ARHGAP44: variants seen among roughly 807,000 people sequenced by gnomAD.
The protein encoded by ARHGAP44 is rho GTPase-activating protein 44.
In ARHGAP44, 43 loss-of-function variants were observed where a neutral mutation model predicts 106.8. The ratio of observed to expected loss-of-function variants is 0.40; its 90% CI spans 0.32 to 0.52. The LOEUF (loss-of-function observed/expected upper bound fraction) is 0.52. ARHGAP44 is among the 20% of genes least tolerant of loss of function. ARHGAP44 has a pLI of 0.48. For synonymous variants in ARHGAP44, 439 were observed against 410.3 expected (o/e 1.07, Z -0.85); for missense variants, 866 against 1,050.5 (o/e 0.82, Z 2.43).
At chr17:12,983,992 G>C (rs1202225041) in intron 19 of ARHGAP44, among the ~76,000 whole-genome samples, 2 of 152,164 alleles carry the variant, frequency 1.3e-5, no homozygotes, top group Non-Finnish European at 2.9e-5. Flanking sequence ...TGTGGCCGGA[G>C]GATTTGCTCA....
chr17:12,896,115 AG>A (rs1229128881), intron 2 of ARHGAP44, among the ~76,000 whole-genome samples: 3 of 48,122 alleles, frequency 6.2e-5, no homozygotes, highest in Non-Finnish European at 1.2e-4. Context: ...GGATAGGGGG[AG>A]GGGGGAGGGG....
At chr17:12,914,462 A>G (rs2037841774) in intron 4 of ARHGAP44, among the ~76,000 whole-genome samples, 1 of 152,220 alleles carries the variant, frequency 6.6e-6, no homozygotes, top group Admixed American at 6.5e-5. Context: ...CTCCATTGCA[A>G]AATGATCTGA....
intron 6 of ARHGAP44, among the ~76,000 whole-genome samples, chr17:12,922,742 G>A (rs765375812): frequency 4.4e-5 from 5 of 114,028 alleles, no homozygotes; most frequent in Non-Finnish European, 1.1e-4. Flanking sequence ...GGGATTACAG[G>A]CACCTGCCAT....
intron 1 of ARHGAP44, among the ~76,000 whole-genome samples, chr17:12,816,340 A>G (rs2034596163): frequency 6.6e-6 from 1 of 152,104 alleles, no homozygotes; most frequent in South Asian, 2.1e-4. Flanking sequence ...CTAACCATAC[A>G]CACCCCTGCT....
intron 1 of ARHGAP44, among the ~76,000 whole-genome samples, chr17:12,791,817 T>C (rs936938860): frequency 1.3e-5 from 2 of 152,178 alleles, no homozygotes; most frequent in African/African-American, 4.8e-5. Context: ...TGTTGGCCTA[T>C]GGATGAATTC....
intron 1 of ARHGAP44, among the ~76,000 whole-genome samples, chr17:12,851,124 A>G (rs1447786304): frequency 6.6e-6 from 1 of 152,240 alleles, no homozygotes; most frequent in African/African-American, 2.4e-5. Flanking sequence ...CTTTGTCAGC[A>G]TCAGACGTAG....
chr17:12,889,512 C>T (rs969685158), intron 1 of ARHGAP44, among the ~76,000 whole-genome samples: 2 of 152,196 alleles, frequency 1.3e-5, no homozygotes, highest in African/African-American at 4.8e-5. Context: ...AATCTGAACA[C>T]TTCCCATTAG....
Position 12,984,706 on chromosome 17 carries a change from C to T in ARHGAP44, c.2115C>T (p.Leu705=). 6.2e-7 allele frequency: 1 copy of T among 1,613,836 alleles called. No homozygotes were observed. The highest frequency in any genetic ancestry group is 8.5e-7 in the Non-Finnish European group (1 of 1,179,834). ...GGTACTCCTTGGCCTCGGGCCAGCT[C>T]TCCCCAGCTGCAGCTCCTCCCCTGG... is the stretch of plus-strand genomic sequence containing the variant. ...PQGYSLASGQ[L]SPAAAPPLAS... Residue 705 remains leucine (L), a synonymous_variant, in exon 20 of 21, where the codon CTC becomes CTT. Transcript: ENST00000379672.
At chr17:12,884,351 G>T (rs957535014) in intron 1 of ARHGAP44, among the ~76,000 whole-genome samples, 1 of 151,764 alleles carries the variant, frequency 6.6e-6, no homozygotes. Flanking sequence ...TTATTATATT[G>T]TCTGTTACTT....
chr17:12,912,374 CACAG>C (rs1260454060), intron 4 of ARHGAP44, among the ~76,000 whole-genome samples: 2 of 151,674 alleles, frequency 1.3e-5, no homozygotes, highest in Non-Finnish European at 2.9e-5. Flanking sequence ...CAATAGAACA[CACAG>C]ACAGTAGAAA....
intron 16 of ARHGAP44, among the ~76,000 whole-genome samples, chr17:12,963,236 C>A (rs1448271971): frequency 3.3e-5 from 5 of 152,010 alleles, no homozygotes; most frequent in Non-Finnish European, 7.4e-5. Context: ...GCTTTCCCTT[C>A]GAGTCTGAGT....
At chr17:12,874,185 T>C (rs533749291) in intron 1 of ARHGAP44, among the ~76,000 whole-genome samples, 10 of 152,322 alleles carry the variant, frequency 6.6e-5, no homozygotes, top group African/African-American at 2.4e-4. Flanking sequence ...AAAAAGAGGC[T>C]GACGGTTGAG....
chr17:12,856,298 C>T (rs2035910255), intron 1 of ARHGAP44, among the ~76,000 whole-genome samples: 1 of 152,174 alleles, frequency 6.6e-6, no homozygotes, highest in South Asian at 2.1e-4. Flanking sequence ...TCAATCAACT[C>T]TGGCTTCAGG....
At chr17:12,826,998 A>G (rs747921316) in intron 1 of ARHGAP44, among the ~76,000 whole-genome samples, 2 of 152,080 alleles carry the variant, frequency 1.3e-5, no homozygotes, top group East Asian at 3.9e-4. Context: ...CCAATACCTA[A>G]TCACCACCAA....
chr17:12,847,396 TG>T (rs1455773222), intron 1 of ARHGAP44, among the ~76,000 whole-genome samples: 1 of 152,122 alleles, frequency 6.6e-6, no homozygotes, highest in African/African-American at 2.4e-5. Flanking sequence ...TGGAGGTTCT[TG>T]GGGTGGGAGA....
chr17:12,796,894 T>A (rs1171808580), intron 1 of ARHGAP44, among the ~76,000 whole-genome samples: 1 of 152,092 alleles, frequency 6.6e-6, no homozygotes, highest in Non-Finnish European at 1.5e-5. Context: ...TGTAAGCCAC[T>A]GCGCCTGGCC....
intron 6 of ARHGAP44, among the ~76,000 whole-genome samples, chr17:12,928,617 A>C (rs1416357427): frequency 6.6e-6 from 1 of 152,192 alleles, no homozygotes; most frequent in Non-Finnish European, 1.5e-5. Context: ...AATTTTTTTA[A>C]AAAGACAGCA....
chr17:12,789,629 G>T lies in ARHGAP44; in HGVS notation c.-210G>T. On this transcript the variant is annotated 5_prime_UTR_variant, in exon 1 of 21. It adds an upstream start codon to the 5' untranslated region. Transcript: ENST00000379672. ...CCCGGGCATTGCGCGGCGCGCGTGA[G>T]GGGGATGCGGCAGGAGGCGGCGCGG... The T allele has an allele frequency of 2.9e-6, 1 of 339,114 alleles. No homozygotes were observed. The highest frequency in any genetic ancestry group is 1.4e-4 in the South Asian group (1 of 7,272). 21.0% of individuals were successfully genotyped at this position (339,114 alleles called of 1,614,324 possible). A position where few individuals can be genotyped will look rare whatever the true frequency, so the allele number is the denominator to read the frequency against.
chr17:12,896,602 T>C (rs1484092944), intron 3 of ARHGAP44, 91 bp downstream of exon 3: 3 of 1,120,058 alleles, frequency 2.7e-6, no homozygotes, highest in South Asian at 1.4e-5. Context: ...TAGCTGTTTA[T>C]GTAGCTGCTT....
Sources: gnomAD v4.1 joint callset for allele counts (sites outside exome capture counted in the v4.1 genomes callset) on GRCh38, gnomAD v4.1.1 for gene constraint, MANE v1.5 for transcripts, NCBI Gene and HGNC (gene_info 2026-07-23, HGNC 2026-07-21) for gene names.